Variants in KIRREL3 observed in about 807,000 individuals in gnomAD.
The protein encoded by KIRREL3 is kin of IRRE-like protein 3.
KIRREL3 carries 36 observed loss-of-function variants against 89.7 expected under a neutral mutation model. The observed-to-expected ratio is 0.40, with a 90% confidence interval of 0.31 to 0.53. KIRREL3 has a LOEUF of 0.53. Ranked by LOEUF, KIRREL3 falls within the 20% of genes least tolerant of loss-of-function variation. The probability of loss-of-function intolerance (pLI) is 0.49; values close to 1 mark genes in which losing one functional copy is unlikely to be tolerated. For synonymous variants in KIRREL3, 445 were observed against 441.4 expected, an observed-to-expected ratio of 1.01 and a Z score of -0.10; for missense variants, 864 against 1,056.6, an observed-to-expected ratio of 0.82 and a Z score of 2.53.
rs1945544735 is a variant in KIRREL3, at chr11:126,664,147, G to T, written c.56-101235C>A. 6.6e-6 allele frequency among the ~76,000 whole-genome samples: 1 copy of T among 152,174 alleles called. No individual in the cohort carries two copies. Among genetic ancestry groups the T allele is most frequent in the Admixed American group, 6.5e-5 (1 of 15,272 alleles). On this transcript the variant is annotated intron_variant, in intron 1 of 16. Coordinates refer to ENST00000525144, the MANE Select transcript of KIRREL3 (RefSeq NM_032531.4). This position sits in a 1 kb window ranked among gnomAD's most constrained non-coding sequence, Gnocchi z 5.4. ...ATACTGGAGCTGTTTAGAGCAAGTTGAATGGGAATATCCATAATGCACCTC... is the reference window on the plus strand; with the variant it reads ...ATACTGGAGCTGTTTAGAGCAAGTTTAATGGGAATATCCATAATGCACCTC...
chr11:126,869,151 G>A (rs113575322), intron 1 of KIRREL3, among the ~76,000 whole-genome samples: 1,961 of 134,556 alleles, frequency 0.015, 42 homozygotes, highest in African/African-American at 0.052. Flanking sequence ...CTCTGCCTGA[G>A]GGCTTTTTTT....
At chr11:126,621,159 T>G (rs1005477239) in intron 1 of KIRREL3, among the ~76,000 whole-genome samples, 1 of 152,258 alleles carries the variant, frequency 6.6e-6, no homozygotes, top group Non-Finnish European at 1.5e-5. Context: ...ACGTGTTAAT[T>G]ACTGCTAAGA....
chr11:126,895,844 C>T (rs182521042), intron 1 of KIRREL3, among the ~76,000 whole-genome samples: 2 of 152,298 alleles, frequency 1.3e-5, no homozygotes. Context: ...GACCACATGA[C>T]CCAGCTGCCC....
chr11:126,435,255 T>A lies in KIRREL3; in HGVS notation c.1588+13A>T, dbSNP rs755915888. 6.2e-7 allele frequency: 1 copy of A among 1,613,428 alleles called. No homozygotes were observed. Among genetic ancestry groups the A allele is most frequent in the East Asian group, 2.2e-5 (1 of 44,824 alleles). On this transcript the variant is annotated intron_variant, in intron 13 of 16. Transcript: ENST00000525144. ...CCCCTTCCCAGGGCCATTCTCATCA[T>A]CTCCTTCCGTACCTGCTTCCAGCCC...
At position 126,682,841 on chromosome 11, in the gene KIRREL3, A is replaced by G. The variant is rs1190923511; in HGVS notation, c.56-119929T>C. ...CTCCTGCTGTGTAGTCTGGTTCCTA[A>G]CAGGCTGAGGACCGGTACCCCGGGG... On this transcript the variant is annotated intron_variant, in intron 1 of 16. Transcript: ENST00000525144. The surrounding 1 kb of genome is among the most constrained non-coding windows in gnomAD (Gnocchi z 4.8). Among the ~76,000 whole-genome samples, 1 of 152,098 alleles carries G rather than the reference A, an allele frequency of 6.6e-6. No individual in the cohort carries two copies.
Position 126,484,279 on chromosome 11 carries a change from C to T in KIRREL3, c.434-10813G>A, listed in dbSNP as rs1957293822. Among the ~76,000 whole-genome samples the T allele has an allele frequency of 6.6e-6, 1 of 152,194 alleles. No homozygotes were observed. The highest frequency in any genetic ancestry group is 1.5e-5 in the Non-Finnish European group (1 of 68,042). On this transcript the variant is annotated intron_variant, in intron 4 of 16. Transcript: ENST00000525144. The surrounding 1 kb of genome is among the most constrained non-coding windows in gnomAD (Gnocchi z 5.2). The stretch of plus-strand genomic sequence containing the variant: ...TTGCAGGGTAGGAGTCCTGGCGCCT[C>T]TTTGCCTGTCTCCCATTGCCTAGTA...
In KIRREL3 at chr11:126,623,647, A is replaced by C. The variant is rs1943662788; in HGVS notation, c.56-60735T>G. ...GGATGCGGGGAGGATACCTGTGGTC[A>C]GGACCAGGTTGTGTGCAGGGCAGCT... On this transcript the variant is annotated intron_variant, in intron 1 of 16. Transcript: ENST00000525144. The surrounding 1 kb of genome is among the most constrained non-coding windows in gnomAD (Gnocchi z 4.1). Among the ~76,000 whole-genome samples, 1 of 152,174 alleles carries C rather than the reference A, an allele frequency of 6.6e-6. No individual in the cohort carries two copies. The highest frequency in any genetic ancestry group is 2.1e-4 in the South Asian group (1 of 4,830).
chr11:126,432,871 C>A lies in KIRREL3; in HGVS notation c.1589-1345G>T, dbSNP rs1435758110. Among the ~76,000 whole-genome samples the A allele has an allele frequency of 6.6e-6, 1 of 152,126 alleles. No homozygotes were observed. Among genetic ancestry groups the A allele is most frequent in the Non-Finnish European group, 1.5e-5 (1 of 68,026 alleles). On this transcript the variant is annotated intron_variant, in intron 13 of 16. Coordinates refer to ENST00000525144, the MANE Select transcript of KIRREL3 (RefSeq NM_032531.4). The surrounding 1 kb of genome is among the most constrained non-coding windows in gnomAD (Gnocchi z 6.2). Reference sequence around the variant, plus strand: ...GTTGTTGTTACCCAGGAAGGGGTCACCAGCAGTTCACGGTCTTTTATTTTT... The same window carrying A: ...GTTGTTGTTACCCAGGAAGGGGTCAACAGCAGTTCACGGTCTTTTATTTTT...
chr11:126,710,336 A>C lies in KIRREL3; in HGVS notation c.56-147424T>G, dbSNP rs1037240432. On this transcript the variant is annotated intron_variant, in intron 1 of 16. Coordinates refer to ENST00000525144, the MANE Select transcript of KIRREL3 (RefSeq NM_032531.4). The surrounding 1 kb of genome is among the most constrained non-coding windows in gnomAD (Gnocchi z 4.2). ...AGGAGAGAAGGGAGATAGCTAGCTC[A>C]GTGTGGCACCCCATTCTTCCCATTG... Among the ~76,000 whole-genome samples the C allele has an allele frequency of 6.6e-6, 1 of 152,148 alleles. No individual in the cohort carries two copies. The highest frequency in any genetic ancestry group is 2.4e-5 in the African/African-American group (1 of 41,408).
chr11:126,451,937 G>C (rs1466475861), intron 7 of KIRREL3, among the ~76,000 whole-genome samples: 1 of 152,154 alleles, frequency 6.6e-6, no homozygotes, highest in South Asian at 2.1e-4. Flanking sequence ...CACAGCCACT[G>C]CTCCCTGGAA....
chr11:126,912,900 G>A lies in KIRREL3; in HGVS notation c.55+87555C>T, dbSNP rs1336284931. Among the ~76,000 whole-genome samples the A allele has an allele frequency of 6.6e-6, 1 of 152,236 alleles. No homozygotes were observed. Among genetic ancestry groups the A allele is most frequent in the Admixed American group, 6.5e-5 (1 of 15,288 alleles). On this transcript the variant is annotated intron_variant, in intron 1 of 16. Coordinates refer to ENST00000525144, the MANE Select transcript of KIRREL3 (RefSeq NM_032531.4). The surrounding 1 kb of genome is among the most constrained non-coding windows in gnomAD (Gnocchi z 4.7). ...AATGACGCTTTATCGTGATGACAGA[G>A]GAGGGCATGCAGAGTGGTGACACCT...
intron 1 of KIRREL3, among the ~76,000 whole-genome samples, chr11:126,577,908 CCATTCTCACACCCAGTG>C (rs1407606278): frequency 2.6e-5 from 4 of 152,116 alleles, no homozygotes; most frequent in African/African-American, 7.2e-5. Flanking sequence ...TTAATCAGTG[CCATTCTCACACCCAGTG>C]CTAAAGGATT....
At chr11:126,923,129 C>CTCCTTCTTCTCTTCTTCTTCTTCT (rs1246765425) in intron 1 of KIRREL3, among the ~76,000 whole-genome samples, 3 of 25,732 alleles carry the variant, frequency 1.2e-4, no homozygotes, top group South Asian at 1.5e-3. Context: ...TCTCCTTCTT[C>CTCCTTCTTCTCTTCTTCTTCTTCT]TCTTCTTCTT....
At chr11:126,712,062 C>T (rs910930832) in intron 1 of KIRREL3, among the ~76,000 whole-genome samples, 8 of 152,220 alleles carry the variant, frequency 5.3e-5, no homozygotes, top group Admixed American at 4.6e-4. Flanking sequence ...CGCCCCACTC[C>T]CAGTGGTCCT....
intron 1 of KIRREL3, among the ~76,000 whole-genome samples, chr11:126,950,877 C>T (rs1349212304): frequency 6.6e-6 from 1 of 152,188 alleles, no homozygotes; most frequent in Non-Finnish European, 1.5e-5. Context: ...GATTAATCCT[C>T]CCAAATAAAG....
intron 1 of KIRREL3, among the ~76,000 whole-genome samples, chr11:126,841,127 G>T (rs983730017): frequency 6.6e-6 from 1 of 152,188 alleles, no homozygotes; most frequent in Non-Finnish European, 1.5e-5. Context: ...TGTATATAGG[G>T]TTTGGGACTA....
rs1958958210 is a variant in KIRREL3, at chr11:126,531,985, C to G, written c.134-5298G>C. Among the ~76,000 whole-genome samples, 1 of 152,188 alleles carries G rather than the reference C, an allele frequency of 6.6e-6. No homozygotes were observed. The highest frequency in any genetic ancestry group is 2.4e-5 in the African/African-American group (1 of 41,440). ...CCCGGCAGATACTGTTCAGAGCACA[C>G]CACACAGGAGAAAGGTGAGAAATCA... On this transcript the variant is annotated intron_variant, in intron 2 of 16. Transcript: ENST00000525144. The surrounding 1 kb of genome is among the most constrained non-coding windows in gnomAD (Gnocchi z 4.7).
chr11:126,444,267 A>T (rs1955702334), intron 10 of KIRREL3, among the ~76,000 whole-genome samples: 1 of 152,208 alleles, frequency 6.6e-6, no homozygotes, highest in Non-Finnish European at 1.5e-5. Flanking sequence ...GGAGACGGTG[A>T]CAGGGCTCCC....
chr11:126,815,040 C>A (rs1433735047), intron 1 of KIRREL3, among the ~76,000 whole-genome samples: 2 of 152,126 alleles, frequency 1.3e-5, no homozygotes, highest in Non-Finnish European at 2.9e-5. Flanking sequence ...ATGCAGAACA[C>A]CTAAACCTGT....
Sources: allele counts gnomAD v4.1 joint callset (sites outside exome capture counted in the v4.1 genomes callset), GRCh38; gene constraint gnomAD v4.1.1; non-coding constraint Gnocchi (gnomAD v3.1); transcripts MANE v1.5; gene names NCBI Gene and HGNC (gene_info 2026-07-23, HGNC 2026-07-21).